CNTN4: variants seen among roughly 807,000 people sequenced by gnomAD.
CNTN4 encodes the protein contactin-4.
In CNTN4, 77 loss-of-function variants were observed where a neutral mutation model predicts 122.5. That is an observed-to-expected ratio of 0.63 (90% CI 0.52 to 0.76). CNTN4 has a LOEUF of 0.76. Among genes scored for constraint, CNTN4 ranks in the 30% least tolerant of loss-of-function variants. The pLI, the probability that CNTN4 is intolerant of heterozygous loss-of-function variation, is 0.00. For missense variants in CNTN4, 1,256 were observed against 1,259.1 expected (o/e 1.00, Z 0.04); for synonymous variants, 512 against 447.0 (o/e 1.15, Z -1.83).
intron 7 of CNTN4, among the ~76,000 whole-genome samples, chr3:2,857,669 C>A (rs1236687458): frequency 1.3e-5 from 2 of 152,160 alleles, no homozygotes; most frequent in South Asian, 4.1e-4. Context: ...CCTTGACCTC[C>A]TGGGCGCAAG....
At chr3:2,168,733 T>A (rs1269955757) in intron 2 of CNTN4, among the ~76,000 whole-genome samples, 1 of 152,144 alleles carries the variant, frequency 6.6e-6, no homozygotes, top group African/African-American at 2.4e-5. Context: ...TGTATGATAT[T>A]AAATTTAAAG....
chr3:2,407,005 G>T (rs1034253834), intron 3 of CNTN4, among the ~76,000 whole-genome samples: 2 of 152,140 alleles, frequency 1.3e-5, no homozygotes, highest in African/African-American at 4.8e-5. Context: ...TTAAATTCCA[G>T]TTGCACTTAT....
At chr3:2,642,162 C>T (rs1157217635) in intron 4 of CNTN4, among the ~76,000 whole-genome samples, 1 of 152,206 alleles carries the variant, frequency 6.6e-6, no homozygotes, top group Non-Finnish European at 1.5e-5. Context: ...GCCGACAGTG[C>T]AGCCTTCAGT....
chr3:2,939,107 A>G (rs943325211), intron 13 of CNTN4, among the ~76,000 whole-genome samples: 3 of 152,064 alleles, frequency 2.0e-5, no homozygotes, highest in African/African-American at 7.2e-5. Context: ...ACTAAGTTTG[A>G]CCCCTATATT....
chr3:2,136,214 G>A (rs1044217607), intron 2 of CNTN4, among the ~76,000 whole-genome samples: 43 of 152,206 alleles, frequency 2.8e-4, no homozygotes, highest in African/African-American at 9.9e-4. Flanking sequence ...TTTTCAAAAT[G>A]TAGTTAATTC....
intron 3 of CNTN4, among the ~76,000 whole-genome samples, chr3:2,499,974 T>C (rs2148993855): frequency 6.6e-6 from 1 of 152,264 alleles, no homozygotes; most frequent in East Asian, 1.9e-4. Context: ...TACTGAAGTA[T>C]TTCATTTCCT....
intron 3 of CNTN4, among the ~76,000 whole-genome samples, chr3:2,406,800 A>G (rs1008906795): frequency 3.3e-5 from 5 of 152,172 alleles, no homozygotes; most frequent in Non-Finnish European, 4.4e-5. Context: ...TTGAAGTGAT[A>G]TAAGTGTGGT....
intron 2 of CNTN4, among the ~76,000 whole-genome samples, chr3:2,190,046 A>C (rs918486404): frequency 1.3e-5 from 2 of 152,152 alleles, no homozygotes; most frequent in Non-Finnish European, 2.9e-5. Flanking sequence ...TGCTTTCTTA[A>C]TAGTCCATTT....
At chr3:2,187,806 G>C (rs1352941010) in intron 2 of CNTN4, among the ~76,000 whole-genome samples, 1 of 152,086 alleles carries the variant, frequency 6.6e-6, no homozygotes, top group Admixed American at 6.6e-5. Context: ...ATGATTATCT[G>C]TTTTCTCTCA....
intron 3 of CNTN4, among the ~76,000 whole-genome samples, chr3:2,531,058 T>G (rs963768156): frequency 2.0e-5 from 3 of 152,100 alleles, no homozygotes; most frequent in Non-Finnish European, 4.4e-5. Flanking sequence ...ACTACAGACA[T>G]CCAAAAATGA....
At chr3:2,102,523 T>G (rs2032067143) in intron 2 of CNTN4, among the ~76,000 whole-genome samples, 1 of 152,094 alleles carries the variant, frequency 6.6e-6, no homozygotes, top group African/African-American at 2.4e-5. Flanking sequence ...TATTTCTCGG[T>G]TGTGTGAAGT....
chr3:3,023,309 C>A (rs1268381378), intron 14 of CNTN4, among the ~76,000 whole-genome samples: 1 of 152,144 alleles, frequency 6.6e-6, no homozygotes, highest in African/African-American at 2.4e-5. Context: ...GAACATGAAT[C>A]GGCGACAAGT....
At chr3:2,911,635 T>C (rs2094300766) in intron 12 of CNTN4, among the ~76,000 whole-genome samples, 1 of 152,040 alleles carries the variant, frequency 6.6e-6, no homozygotes, top group Admixed American at 6.5e-5. Flanking sequence ...ATTATTCTCA[T>C]AAAGACGCTC....
chr3:2,890,845 C>G (rs188867716), intron 10 of CNTN4, among the ~76,000 whole-genome samples: 2 of 152,082 alleles, frequency 1.3e-5, no homozygotes, highest in Non-Finnish European at 1.5e-5. Context: ...ATAACCTGTA[C>G]GGTCTAGTTG....
intron 8 of CNTN4, among the ~76,000 whole-genome samples, chr3:2,868,662 T>A (rs2093751071): frequency 6.6e-6 from 1 of 152,234 alleles, no homozygotes; most frequent in South Asian, 2.1e-4. Context: ...TTCATCCATT[T>A]AACATACATT....
chr3:2,991,023 A>T (rs1444544813), intron 14 of CNTN4, among the ~76,000 whole-genome samples: 2 of 152,202 alleles, frequency 1.3e-5, no homozygotes, highest in Admixed American at 1.3e-4. Context: ...CTAAATATGC[A>T]TTGTTATAGG....
At chr3:2,746,821 T>G (rs551923332) in intron 6 of CNTN4, among the ~76,000 whole-genome samples, 144 of 152,376 alleles carry the variant, frequency 9.5e-4, no homozygotes, top group Non-Finnish European at 1.7e-3. Flanking sequence ...TGAGATAGTC[T>G]TCTAAATATT....
At chr3:2,864,739 T>TAAAAAAAAAAAAAAA (rs2093705253) in intron 7 of CNTN4, among the ~76,000 whole-genome samples, 2 of 12,588 alleles carry the variant, frequency 1.6e-4, no homozygotes, top group Non-Finnish European at 1.4e-4. Context: ...AAACTCCATC[T>TAAAAAAAAAAAAAAA]CAAAAAAAAA....
intron 13 of CNTN4, among the ~76,000 whole-genome samples, chr3:2,981,125 A>G (rs1171856859): frequency 2.0e-5 from 3 of 152,182 alleles, no homozygotes; most frequent in Non-Finnish European, 4.4e-5. Context: ...AGAAAAGAAA[A>G]TGATTTAGGG....
Sources: gnomAD v4.1 joint callset for allele counts (sites outside exome capture counted in the v4.1 genomes callset) on GRCh38, gnomAD v4.1.1 for gene constraint, MANE v1.5 for transcripts, NCBI Gene and HGNC (gene_info 2026-07-23, HGNC 2026-07-21) for gene names.